Variants in TLN2 observed in about 807,000 individuals in gnomAD.
TLN2 encodes the protein talin 2.
In TLN2, 118 loss-of-function variants were observed where a neutral mutation model predicts 294.7. The ratio of observed to expected loss-of-function variants is 0.40; its 90% CI spans 0.34 to 0.47. The LOEUF is 0.47. Ranked by LOEUF, TLN2 falls within the 20% of genes least tolerant of loss-of-function variation. The pLI is 0.84. For synonymous variants in TLN2, 1,431 were observed against 1,304.5 expected (o/e 1.10, Z -2.09); for missense variants, 3,083 against 3,282.2 (o/e 0.94, Z 1.48).
chr15:62,459,889 A>C (rs1368636431), intron 1 of TLN2, among the ~76,000 whole-genome samples: 1 of 152,048 alleles, frequency 6.6e-6, no homozygotes, highest in Non-Finnish European at 1.5e-5. Context: ...TTTTCCCCCT[A>C]CCTCAGAGAG....
At chr15:62,775,637 T>C (rs1033636132) in intron 42 of TLN2, among the ~76,000 whole-genome samples, 8 of 152,220 alleles carry the variant, frequency 5.3e-5, no homozygotes, top group Non-Finnish European at 1.0e-4. Context: ...AATTCTCTTG[T>C]ATTTAGAAAA....
At chr15:62,630,659 G>A (rs973180073) in intron 3 of TLN2, among the ~76,000 whole-genome samples, 1 of 151,136 alleles carries the variant, frequency 6.6e-6, no homozygotes, top group Non-Finnish European at 1.5e-5. Context: ...TTTGGTCTGC[G>A]TTTATTTGAT....
At chr15:62,713,736 A>T (rs1032140293) in intron 22 of TLN2, among the ~76,000 whole-genome samples, 2 of 151,962 alleles carry the variant, frequency 1.3e-5, no homozygotes, top group African/African-American at 4.8e-5. Context: ...TCCTCACTCA[A>T]CTGTCCATCA....
At chr15:62,440,187 C>A (rs889326374) in intron 1 of TLN2, among the ~76,000 whole-genome samples, 1 of 152,198 alleles carries the variant, frequency 6.6e-6, no homozygotes, top group Non-Finnish European at 1.5e-5. Context: ...TCCTGTCTTT[C>A]AAGTCTCAGT....
intron 16 of TLN2, among the ~76,000 whole-genome samples, chr15:62,699,466 C>T (rs1412006520): frequency 6.6e-6 from 1 of 152,036 alleles, no homozygotes; most frequent in East Asian, 1.9e-4. Flanking sequence ...CACTGCATGC[C>T]TGGGGACTGT....
At chr15:62,475,007 T>G (rs2037707745) in intron 1 of TLN2, among the ~76,000 whole-genome samples, 1 of 152,144 alleles carries the variant, frequency 6.6e-6, no homozygotes, top group South Asian at 2.1e-4. Context: ...GAAACCCTAA[T>G]TTTTGCCTTA....
chr15:62,638,566 A>G (rs2050643730), intron 3 of TLN2: 1 of 455,916 alleles, frequency 2.2e-6, no homozygotes, highest in Non-Finnish European at 4.4e-6. Flanking sequence ...GTGCTTTTCT[A>G]GCAGTGTGAA....
At chr15:62,402,447 A>G (rs371334233) in intron 1 of TLN2, among the ~76,000 whole-genome samples, 55 of 152,172 alleles carry the variant, frequency 3.6e-4, no homozygotes, top group African/African-American at 1.1e-3. Context: ...TTCATTGTCC[A>G]TCATCCCTTT....
chr15:62,608,110 C>G (rs2047609655), intron 2 of TLN2, among the ~76,000 whole-genome samples: 1 of 152,166 alleles, frequency 6.6e-6, no homozygotes. Context: ...CCACCCCACC[C>G]CTGCATCTAA....
chr15:62,472,893 G>T (rs1348935310), intron 1 of TLN2, among the ~76,000 whole-genome samples: 1 of 152,244 alleles, frequency 6.6e-6, no homozygotes, highest in Non-Finnish European at 1.5e-5. Context: ...CCAGGCCTCT[G>T]TGTGCAGCTG....
chr15:62,664,527 A>G (rs999635294), intron 9 of TLN2, among the ~76,000 whole-genome samples: 1 of 152,052 alleles, frequency 6.6e-6, no homozygotes, highest in Non-Finnish European at 1.5e-5. Flanking sequence ...ACACAAGGAG[A>G]TACAGGAAGA....
At chr15:62,538,812 G>C (rs2041508149) in intron 1 of TLN2, among the ~76,000 whole-genome samples, 1 of 152,104 alleles carries the variant, frequency 6.6e-6, no homozygotes, top group African/African-American at 2.4e-5. Context: ...CTGAAAAATT[G>C]TTACAATTTC....
At chr15:62,593,779 TG>T (rs2046268770) in intron 2 of TLN2, among the ~76,000 whole-genome samples, 1 of 152,146 alleles carries the variant, frequency 6.6e-6, no homozygotes, top group Admixed American at 6.5e-5. Flanking sequence ...AAATAACTAG[TG>T]TACTACTTAT....
chr15:62,603,470 T>C (rs2047168335), intron 2 of TLN2, among the ~76,000 whole-genome samples: 1 of 152,220 alleles, frequency 6.6e-6, no homozygotes, highest in African/African-American at 2.4e-5. Flanking sequence ...CACTCCTTTG[T>C]GTATCTGCCT....
chr15:62,637,009 G>T (rs2050444552), intron 3 of TLN2, among the ~76,000 whole-genome samples: 1 of 152,160 alleles, frequency 6.6e-6, no homozygotes, highest in Non-Finnish European at 1.5e-5. Context: ...ATCCATCACA[G>T]TGGTGTGTGC....
chr15:62,825,782 T>TATTATATATTATATTATAA (rs1190689676), intron 54 of TLN2, among the ~76,000 whole-genome samples: 1 of 18,034 alleles, frequency 5.5e-5, no homozygotes, highest in Non-Finnish European at 1.3e-4. Context: ...ATATAATATA[T>TATTATATATTATATTATAA]TATATATTAT....
intron 11 of TLN2, 146 bp downstream of exon 11, chr15:62,675,467 C>A: frequency 1.3e-6 from 1 of 754,100 alleles, no homozygotes; most frequent in Non-Finnish European, 2.2e-6. Context: ...CTGCGTTTAG[C>A]TGCCGCACAG....
At chr15:62,458,023 T>A (rs2036578921) in intron 1 of TLN2, among the ~76,000 whole-genome samples, 1 of 152,268 alleles carries the variant, frequency 6.6e-6, no homozygotes, top group African/African-American at 2.4e-5. Flanking sequence ...AACGACATGA[T>A]GGTCAGGTCT....
At position 62,461,123 on chromosome 15, in the gene TLN2, A is replaced by G. The variant is rs552414388; in HGVS notation, c.-238+70438A>G. 2.7e-4 allele frequency among the ~76,000 whole-genome samples: 41 copies of G among 151,772 alleles called. 1 individual carries two copies. The highest frequency in any genetic ancestry group is 9.7e-4 in the African/African-American group (40 of 41,388). ...GCTACCATGCCCGGCTAATTTTTGT[A>G]TTTTTTAGTAGAGACGGGGTTTCAC... On this transcript the variant is annotated intron_variant, in intron 1 of 58. Transcript: ENST00000636159.
Sources: gnomAD v4.1 joint callset for allele counts (sites outside exome capture counted in the v4.1 genomes callset) on GRCh38, gnomAD v4.1.1 for gene constraint, MANE v1.5 for transcripts, NCBI Gene and HGNC (gene_info 2026-07-23, HGNC 2026-07-21) for gene names.